CEP350: variants seen among roughly 807,000 people sequenced by gnomAD.
The protein encoded by CEP350 is centrosomal protein 350.
Under a neutral mutation model 331.8 loss-of-function variants are expected in CEP350, and 126 were observed. The ratio of observed to expected loss-of-function variants is 0.38; its 90% CI spans 0.33 to 0.44. The LOEUF (loss-of-function observed/expected upper bound fraction) is 0.44. Among genes scored for constraint, CEP350 ranks in the 20% least tolerant of loss-of-function variants. CEP350 has a pLI of 1.00. For synonymous variants in CEP350, 1,200 were observed against 1,259.5 expected (o/e 0.95, Z 1.00); for missense variants, 3,406 against 3,634.6 (o/e 0.94, Z 1.62).
At chr1:180,064,766 C>G (rs1455458934) in intron 26 of CEP350, among the ~76,000 whole-genome samples, 1 of 151,194 alleles carries the variant, frequency 6.6e-6, no homozygotes, top group Non-Finnish European at 1.5e-5. Flanking sequence ...TTTTTTTATT[C>G]CTTTTGAGTG....
chr1:180,055,783 C>T (rs913806465), intron 25 of CEP350, among the ~76,000 whole-genome samples: 6 of 151,912 alleles, frequency 3.9e-5, no homozygotes, highest in South Asian at 4.1e-4. Flanking sequence ...CCTGACCTCG[C>T]GATCCGCCAT....
rs536424660 is a variant in CEP350, at chr1:180,112,310, A to G, written c.*1149A>G. 1 of 152,682 alleles carries G rather than the reference A, an allele frequency of 6.5e-6. No homozygotes were observed. Among genetic ancestry groups the G allele is most frequent in the South Asian group, 2.1e-4 (1 of 4,834 alleles). 9.5% of individuals were successfully genotyped at this position (152,682 alleles called of 1,614,324 possible). A position where few individuals can be genotyped will look rare whatever the true frequency, so the allele number is the denominator to read the frequency against. On this transcript the variant is annotated 3_prime_UTR_variant, in exon 38 of 38. Transcript: ENST00000367607. ...GAACCTGTGGTTTTAACAAACCAAT[A>G]CACATATTGAAGAAGTCATTTTAAT...
chr1:179,968,196 T>C (rs1253026092), intron 1 of CEP350, among the ~76,000 whole-genome samples: 1 of 152,010 alleles, frequency 6.6e-6, no homozygotes, highest in African/African-American at 2.4e-5. Context: ...CTGGGCATGA[T>C]GGTATGTGCC....
In CEP350 at chr1:180,054,399, A is replaced by C; in HGVS notation, c.5175-16A>C. On this transcript the variant is annotated splice_polypyrimidine_tract_variant and intron_variant, in intron 24 of 37. Coordinates refer to ENST00000367607, the MANE Select transcript of CEP350 (RefSeq NM_014810.5). ...TTTAATCAAATCTTTGTCTCAATGAAAAATATTATTTGCAGACATCTACGA... is the reference window on the plus strand; with the variant it reads ...TTTAATCAAATCTTTGTCTCAATGACAAATATTATTTGCAGACATCTACGA... 1 of 1,555,252 alleles carries C rather than the reference A, an allele frequency of 6.4e-7. No homozygotes were observed. The highest frequency in any genetic ancestry group is 8.7e-7 in the Non-Finnish European group (1 of 1,143,168).
intron 34 of CEP350, among the ~76,000 whole-genome samples, chr1:180,094,861 C>A (rs1244306455): frequency 6.6e-6 from 1 of 152,158 alleles, no homozygotes; most frequent in African/African-American, 2.4e-5. Flanking sequence ...GTCACAAGCA[C>A]TGGCAGGTTT....
Position 180,092,731 on chromosome 1 carries a change from T to C in CEP350, c.6626T>C (p.Leu2209Pro). 2 of 1,608,572 alleles carry C rather than the reference T, an allele frequency of 1.2e-6. No individual in the cohort carries two copies. The highest frequency in any genetic ancestry group is 2.2e-5 in the South Asian group (2 of 90,082). ...TEDFQTPSPV[L>P]RSSRKIREES... ...GATTTTCAGACCCCATCTCCAGTTCTCAGATCATCAAGGAAAATCAGAGAA... is the reference window on the plus strand; with the variant it reads ...GATTTTCAGACCCCATCTCCAGTTCCCAGATCATCAAGGAAAATCAGAGAA... The change falls in exon 34 of 38, where the codon CTC becomes CCC. Residue 2209 changes from leucine (L) to proline (P), a missense_variant. Coordinates refer to ENST00000367607, the MANE Select transcript of CEP350 (RefSeq NM_014810.5).
chr1:180,012,172 T>G, intron 9 of CEP350, 97 bp downstream of exon 9: 1 of 1,169,276 alleles, frequency 8.6e-7, no homozygotes, highest in Non-Finnish European at 1.2e-6. Context: ...TGTTAGGACT[T>G]TGCTTTATAA....
At chr1:179,985,250 G>GT (rs779175278) in intron 1 of CEP350, among the ~76,000 whole-genome samples, 57 of 152,250 alleles carry the variant, frequency 3.7e-4, no homozygotes, top group Admixed American at 1.4e-3. Flanking sequence ...GCACCATACA[G>GT]TATTTGTCTT....
At position 179,976,863 on chromosome 1, in the gene CEP350, A is replaced by G. The variant is rs892791682; in HGVS notation, c.-13-9306A>G. On this transcript the variant is annotated intron_variant, in intron 1 of 37. Transcript: ENST00000367607. ...CGTAAGGAAACTCAAATAAAGGGAA[A>G]TTTGTTCTAAGACTTCAGAGAGGCC... Among the ~76,000 whole-genome samples, 3 of 152,286 alleles carry G rather than the reference A, an allele frequency of 2.0e-5. 1 individual carries two copies. The highest frequency in any genetic ancestry group is 6.5e-5 in the Admixed American group (1 of 15,292).
At chr1:179,991,705 GTGTA>G (rs1351480650) in intron 4 of CEP350, among the ~76,000 whole-genome samples, 39 of 122,440 alleles carry the variant, frequency 3.2e-4, no homozygotes, top group African/African-American at 8.8e-4. Context: ...GTGTGTGTGT[GTGTA>G]TATATATATA....
At chr1:180,102,649 TGC>T (rs1660893606) in intron 37 of CEP350, among the ~76,000 whole-genome samples, 2 of 151,960 alleles carry the variant, frequency 1.3e-5, no homozygotes, top group African/African-American at 4.8e-5. Context: ...GCATTGTTTC[TGC>T]ATCCTTTTCC....
intron 13 of CEP350, 93 bp downstream of exon 13, chr1:180,022,941 A>G (rs2477117): frequency 0.83 from 1,017,131 of 1,221,700 alleles, 424,368 homozygotes; most frequent in Admixed American, 0.88. Flanking sequence ...AGTTTTGCTC[A>G]TTTAAAAATA....
In CEP350 at chr1:180,043,040, G is replaced by A. The variant is rs950218392; in HGVS notation, c.4363-16G>A. ...GTTTTAATACATTTGCCTTTCTTGTGTGTGTTCATGTTTAGATGGCAGAGT... is the reference window on the plus strand; with the variant it reads ...GTTTTAATACATTTGCCTTTCTTGTATGTGTTCATGTTTAGATGGCAGAGT... On this transcript the variant is annotated splice_polypyrimidine_tract_variant and intron_variant, in intron 19 of 37. Coordinates refer to ENST00000367607, the MANE Select transcript of CEP350 (RefSeq NM_014810.5). The A allele has an allele frequency of 3.1e-6, 5 of 1,606,002 alleles. No individual in the cohort carries two copies. In the African/African-American group the frequency reaches 5.4e-5, roughly 17 times the overall value.
chr1:180,050,827 GAAATTA>G (rs755491374), intron 22 of CEP350, among the ~76,000 whole-genome samples: 2 of 152,022 alleles, frequency 1.3e-5, no homozygotes, highest in Non-Finnish European at 2.9e-5. Flanking sequence ...TATCATTAGA[GAAATTA>G]AAATTAAAAT....
intron 7 of CEP350, among the ~76,000 whole-genome samples, chr1:180,005,132 GC>G (rs1654171940): frequency 6.7e-6 from 1 of 150,146 alleles, no homozygotes; most frequent in African/African-American, 2.5e-5. Context: ...TAGTCTCAGG[GC>G]TTTAAATGTT....
intron 18 of CEP350, 47 bp from the exon 19 acceptor site, chr1:180,041,615 G>C: frequency 6.6e-7 from 1 of 1,524,902 alleles, no homozygotes; most frequent in Non-Finnish European, 8.9e-7. Flanking sequence ...TTCAGGAGGA[G>C]GGGAGATTAA....
Position 180,023,187 on chromosome 1 carries a change from G to A in CEP350, c.3386+339G>A, listed in dbSNP as rs528628548. 5.3e-5 allele frequency among the ~76,000 whole-genome samples: 8 copies of A among 152,130 alleles called. No individual in the cohort carries two copies. In the South Asian group the frequency reaches 1.0e-3, roughly 20 times the overall value. ...ATAGGGAGGCTGAGGCACGAAAATC[G>A]CTTGAACCTGGGAGGTGGAAGTTGC... On this transcript the variant is annotated intron_variant, in intron 13 of 37. Transcript: ENST00000367607.
At chr1:180,028,861 T>C (rs1307047480) in intron 14 of CEP350, among the ~76,000 whole-genome samples, 5 of 152,186 alleles carry the variant, frequency 3.3e-5, no homozygotes, top group Non-Finnish European at 7.3e-5. Flanking sequence ...TATGATTTAA[T>C]GTAGGTTTAA....
chr1:179,962,493 T>G (rs1250049372), intron 1 of CEP350, among the ~76,000 whole-genome samples: 1 of 152,156 alleles, frequency 6.6e-6, no homozygotes, highest in Non-Finnish European at 1.5e-5. Context: ...CACTGCAACT[T>G]CCGCCTCCCG....
Sources: allele counts gnomAD v4.1 joint callset (sites outside exome capture counted in the v4.1 genomes callset), GRCh38; gene constraint gnomAD v4.1.1; transcripts MANE v1.5; gene names NCBI Gene and HGNC (gene_info 2026-07-23, HGNC 2026-07-21).